The following DPP10 variants were observed in gnomAD, a reference collection of about 807,000 sequenced individuals.
DPP10 encodes the protein inactive dipeptidyl peptidase 10.
Under a neutral mutation model 120.9 loss-of-function variants are expected in DPP10, and 33 were observed. The ratio of observed to expected loss-of-function variants is 0.27; its 90% CI spans 0.21 to 0.37. DPP10 has a LOEUF of 0.37. DPP10 is among the 10% of genes least tolerant of loss of function. The probability of loss-of-function intolerance (pLI) is 1.00; values close to 1 mark genes in which losing one functional copy is unlikely to be tolerated. For synonymous variants in DPP10, 337 were observed against 326.1 expected (o/e 1.03, Z -0.36); for missense variants, 816 against 942.8 (o/e 0.87, Z 1.76).
chr2:115,090,910 A>T (rs1357278377), intron 1 of DPP10, among the ~76,000 whole-genome samples: 9 of 152,040 alleles, frequency 5.9e-5, no homozygotes, highest in African/African-American at 1.9e-4. Flanking sequence ...TTCTGGTCGG[A>T]GATGTCATTT....
At chr2:115,405,400 G>A (rs1249380553) in intron 3 of DPP10, among the ~76,000 whole-genome samples, 1 of 152,164 alleles carries the variant, frequency 6.6e-6, no homozygotes, top group Non-Finnish European at 1.5e-5. Context: ...AGACTTTGCT[G>A]GGTGTAGCCC....
At chr2:115,653,761 G>C (rs892217625) in intron 5 of DPP10, among the ~76,000 whole-genome samples, 11 of 151,402 alleles carry the variant, frequency 7.3e-5, no homozygotes, top group African/African-American at 2.7e-4. Context: ...TAATGTCATG[G>C]GAAAGAAGAG....
At chr2:115,236,227 T>A (rs1037953493) in intron 1 of DPP10, among the ~76,000 whole-genome samples, 1 of 152,204 alleles carries the variant, frequency 6.6e-6, no homozygotes, top group African/African-American at 2.4e-5. Flanking sequence ...ACAGATAAAA[T>A]TTTTTTAAAA....
chr2:114,513,521 C>CAAAAAAAAAA, intron 1 of DPP10, among the ~76,000 whole-genome samples: 1 of 74,976 alleles, frequency 1.3e-5, no homozygotes. Flanking sequence ...AACTCTACCT[C>CAAAAAAAAAA]AAAAAAAAAA....
chr2:115,007,706 G>T (rs1349279502), intron 1 of DPP10, among the ~76,000 whole-genome samples: 1 of 151,862 alleles, frequency 6.6e-6, no homozygotes, highest in South Asian at 2.1e-4. Context: ...ATCTCCTTAA[G>T]CTGATAAGCA....
intron 3 of DPP10, among the ~76,000 whole-genome samples, chr2:115,458,356 G>A (rs2073745606): frequency 6.6e-6 from 1 of 152,094 alleles, no homozygotes; most frequent in Non-Finnish European, 1.5e-5. Flanking sequence ...TTAGAGATAA[G>A]CCCTGATTCC....
At chr2:114,751,996 T>C (rs1679273101) in intron 1 of DPP10, among the ~76,000 whole-genome samples, 1 of 152,214 alleles carries the variant, frequency 6.6e-6, no homozygotes, top group Admixed American at 6.5e-5. Context: ...CTTCTGCTAT[T>C]GTGCCAGACC....
At chr2:115,281,878 C>T (rs1230545972) in intron 1 of DPP10, among the ~76,000 whole-genome samples, 3 of 151,884 alleles carry the variant, frequency 2.0e-5, no homozygotes, top group Admixed American at 6.6e-5. Context: ...TTTAAAAATA[C>T]TGAGAAATTT....
At chr2:114,540,008 A>G in intron 1 of DPP10, among the ~76,000 whole-genome samples, 1 of 152,158 alleles carries the variant, frequency 6.6e-6, no homozygotes, top group East Asian at 1.9e-4. Flanking sequence ...TTCAGCATAC[A>G]ACATATTATT....
At chr2:115,514,656 T>C (rs2077406199) in intron 4 of DPP10, among the ~76,000 whole-genome samples, 1 of 151,778 alleles carries the variant, frequency 6.6e-6, no homozygotes, top group African/African-American at 2.4e-5. Context: ...CATGTAAAAT[T>C]TAAAATTCCA....
intron 1 of DPP10, among the ~76,000 whole-genome samples, chr2:114,514,309 A>G (rs909736926): frequency 6.6e-6 from 1 of 152,204 alleles, no homozygotes; most frequent in Non-Finnish European, 1.5e-5. Flanking sequence ...TAGAGAAGGA[A>G]ACTGATTTCA....
intron 2 of DPP10, among the ~76,000 whole-genome samples, chr2:115,334,230 G>GTTTTTTTTTTTTGTTTTTTTTTTTTTTTT (rs1553554649): frequency 1.8e-5 from 1 of 56,412 alleles, no homozygotes; most frequent in African/African-American, 4.9e-5. Context: ...AGCAGACTCT[G>GTTTTTTTTTTTTGTTTTTTTTTTTTTTTT]TTTTTTTTTT....
At chr2:115,726,654 C>T (rs183236709) in intron 7 of DPP10, among the ~76,000 whole-genome samples, 2 of 152,124 alleles carry the variant, frequency 1.3e-5, no homozygotes, top group East Asian at 1.9e-4. Context: ...CCTGTTGTAG[C>T]GGTGGAATTA....
intron 13 of DPP10, among the ~76,000 whole-genome samples, chr2:115,769,828 C>T (rs996923098): frequency 3.9e-5 from 6 of 151,944 alleles, no homozygotes; most frequent in Non-Finnish European, 2.9e-5. Context: ...TAAGAGTCAA[C>T]TTGGTTATCA....
At chr2:115,740,577 CATG>C (rs1315716173) in intron 9 of DPP10, among the ~76,000 whole-genome samples, 3 of 151,986 alleles carry the variant, frequency 2.0e-5, no homozygotes, top group Admixed American at 2.0e-4. Flanking sequence ...GAGTCATAGC[CATG>C]GTTAGGTAAG....
intron 3 of DPP10, among the ~76,000 whole-genome samples, chr2:115,467,481 G>A (rs1177403944): frequency 6.6e-6 from 1 of 151,962 alleles, no homozygotes; most frequent in East Asian, 1.9e-4. Context: ...GGAGGCTGAG[G>A]CAGGAGAATT....
intron 2 of DPP10, among the ~76,000 whole-genome samples, chr2:115,317,859 A>G (rs1458923785): frequency 2.6e-5 from 4 of 151,892 alleles, no homozygotes; most frequent in African/African-American, 9.7e-5. Flanking sequence ...TTTATTCCGG[A>G]TATTAATCTC....
intron 19 of DPP10, among the ~76,000 whole-genome samples, chr2:115,808,352 T>C (rs1686257341): frequency 6.6e-6 from 1 of 152,192 alleles, no homozygotes; most frequent in Non-Finnish European, 1.5e-5. Flanking sequence ...TGTTCTTGAA[T>C]GAGAGTGCAG....
At chr2:114,921,479 C>A (rs1448381107) in intron 1 of DPP10, among the ~76,000 whole-genome samples, 1 of 152,192 alleles carries the variant, frequency 6.6e-6, no homozygotes, top group Non-Finnish European at 1.5e-5. Context: ...ATAAAATGTT[C>A]ATCCCAGTTA....
Sources: gnomAD v4.1 joint callset for allele counts (sites outside exome capture counted in the v4.1 genomes callset) on GRCh38, gnomAD v4.1.1 for gene constraint, MANE v1.5 for transcripts, NCBI Gene and HGNC (gene_info 2026-07-23, HGNC 2026-07-21) for gene names.